MYBPC3: variants seen among roughly 807,000 people sequenced by gnomAD.
MYBPC3 encodes myosin-binding protein C, cardiac-type.
MYBPC3 carries 108 observed loss-of-function variants against 159.3 expected under a neutral mutation model. The observed-to-expected ratio is 0.68, with a 90% confidence interval of 0.58 to 0.80. The LOEUF (loss-of-function observed/expected upper bound fraction) is 0.80. Among genes scored for constraint, MYBPC3 ranks in the 30% least tolerant of loss-of-function variants. The pLI is 0.00. For missense variants in MYBPC3, 1,631 were observed against 1,762.1 expected (o/e 0.93, Z 1.33); for synonymous variants, 730 against 702.0 (o/e 1.04, Z -0.63).
In MYBPC3 at chr11:47,331,655, T is replaced by G; in HGVS notation, c.*88A>C. ...CACTTGTCACACATACATCCAACAGTAGGGAGGGGTTTCCCCAACTTCCCT... is the reference window on the plus strand; with the variant it reads ...CACTTGTCACACATACATCCAACAGGAGGGAGGGGTTTCCCCAACTTCCCT... On this transcript the variant is annotated 3_prime_UTR_variant, in exon 35 of 35. Coordinates refer to ENST00000545968, the MANE Select transcript of MYBPC3 (RefSeq NM_000256.3). 1.7e-6 allele frequency: 1 copy of G among 604,634 alleles called. No individual in the cohort carries two copies. The highest frequency in any genetic ancestry group is 2.9e-6 in the Non-Finnish European group (1 of 345,446). 37.5% of individuals were successfully genotyped at this position (604,634 alleles called of 1,614,324 possible).
In MYBPC3 at chr11:47,333,344, C is replaced by T; in HGVS notation, c.3191-11G>A. The T allele has an allele frequency of 6.4e-7, 1 of 1,557,222 alleles. No individual in the cohort carries two copies. The highest frequency in any genetic ancestry group is 2.4e-5 in the East Asian group (1 of 42,482). ...GAGGACTTGGCTTGTCTGCGGGAGACAGACCCAGTTGGGTCACCACGCCTC... is the reference window on the plus strand; with the variant it reads ...GAGGACTTGGCTTGTCTGCGGGAGATAGACCCAGTTGGGTCACCACGCCTC... On this transcript the variant is annotated splice_polypyrimidine_tract_variant and intron_variant, in intron 29 of 34. Transcript: ENST00000545968.
chr11:47,345,198 G>T (rs1455990390), intron 12 of MYBPC3, among the ~76,000 whole-genome samples: 1 of 152,218 alleles, frequency 6.6e-6, no homozygotes, highest in East Asian at 1.9e-4. Context: ...GGCACCTACA[G>T]TCCTTTGCTT....
intron 13 of MYBPC3, 73 bp downstream of exon 13, chr11:47,343,419 G>T (rs974630366): frequency 7.0e-5 from 106 of 1,514,896 alleles, no homozygotes; most frequent in Non-Finnish European, 8.5e-5. Context: ...ATACGCATGT[G>T]GAGAGGGGCA....
rs2095889432 is a variant in MYBPC3, at chr11:47,342,222, G to T, written c.1625-66C>A. On this transcript the variant is annotated intron_variant, in intron 17 of 34. Coordinates refer to ENST00000545968, the MANE Select transcript of MYBPC3 (RefSeq NM_000256.3). ...TGGGTGTGGCGTGAATCCCTGTGGA[G>T]GGCGTGTGGGCCCATGGGCGCTGGT... 4 of 1,563,738 alleles carry T rather than the reference G, an allele frequency of 2.6e-6. No individual in the cohort carries two copies. The Admixed American group carries it at 5.4e-5, about 21-fold the overall frequency.
chr11:47,333,859 T>C (rs1270397550), intron 28 of MYBPC3, 63 bp downstream of exon 28: 1 of 1,550,668 alleles, frequency 6.4e-7, no homozygotes, highest in African/African-American at 1.4e-5. Flanking sequence ...ATCAGTCCAC[T>C]GGATGGGAAC....
chr11:47,351,472 TC>T lies in MYBPC3; in HGVS notation c.58del (p.Glu20LysfsTer19). 1 of 1,594,714 alleles carries T rather than the reference TC, an allele frequency of 6.3e-7. No homozygotes were observed. The highest frequency in any genetic ancestry group is 8.6e-7 in the Non-Finnish European group (1 of 1,166,340). ...SAFSKKPRSV[E>X]VAAGSPAVFE... Reference sequence around the variant, plus strand: ...CACGGCAGGGCTGCCTGCGGCCACTTCCACTGACCGTGGCTTCTTGCTAAAA... The same window carrying T: ...CACGGCAGGGCTGCCTGCGGCCACTTCACTGACCGTGGCTTCTTGCTAAAA... On this transcript the variant is annotated frameshift_variant, in exon 2 of 35. Transcript: ENST00000545968. LOFTEE classifies it high-confidence loss of function. This position sits in a 1 kb window ranked among gnomAD's most constrained non-coding sequence, Gnocchi z 4.2.
In MYBPC3 at chr11:47,338,753, A is replaced by T; in HGVS notation, c.2149-74T>A. On this transcript the variant is annotated intron_variant, in intron 22 of 34. Transcript: ENST00000545968. This position sits in a 1 kb window ranked among gnomAD's most constrained non-coding sequence, Gnocchi z 4.7. ...CCTTGCAGCCTCCGCCAACAGCCAG[A>T]TGTCCCGGGGGTCCATGGGGGGAAC... is the stretch of plus-strand genomic sequence containing the variant. The T allele has an allele frequency of 6.7e-7, 1 of 1,483,788 alleles. No homozygotes were observed. Among genetic ancestry groups the T allele is most frequent in the Middle Eastern group, 2.0e-4 (1 of 4,976 alleles). 91.9% of individuals were successfully genotyped at this position (1,483,788 alleles called of 1,614,324 possible). A position where few individuals can be genotyped will look rare whatever the true frequency, so the allele number is the denominator to read the frequency against.
intron 20 of MYBPC3, 32 bp downstream of exon 20, chr11:47,340,970 GC>G: frequency 6.6e-7 from 1 of 1,525,316 alleles, no homozygotes. Flanking sequence ...GGGAAAGTGA[GC>G]AGAACCAAGA....
At chr11:47,342,367 AC>A (rs1331850947) in intron 17 of MYBPC3, among the ~76,000 whole-genome samples, 2 of 152,196 alleles carry the variant, frequency 1.3e-5, no homozygotes, top group Non-Finnish European at 2.9e-5. Flanking sequence ...GGTGATGCTC[AC>A]CAGGCCCGTA....
chr11:47,338,621 A>C lies in MYBPC3; in HGVS notation c.2207T>G (p.Phe736Cys). Reference protein sequence around the residue: ...RVETTKDRSIFTVEGAEKEDE... With the variant: ...RVETTKDRSICTVEGAEKEDE... ...TTCCTTCTCTGCCCCCTCGACCGTG[A>C]AGATGCTGCGGTCCTTGGTGGTCTC... The change falls in exon 23 of 35, where the codon TTC becomes TGC. Residue 736 changes from phenylalanine (F) to cysteine (C), a missense_variant. By Grantham distance (205) the Phe-to-Cys change is radical. Transcript: ENST00000545968. This position sits in a 1 kb window ranked among gnomAD's most constrained non-coding sequence, Gnocchi z 4.7. The C allele has an allele frequency of 6.2e-7, 1 of 1,613,918 alleles. No individual in the cohort carries two copies. The highest frequency in any genetic ancestry group is 8.5e-7 in the Non-Finnish European group (1 of 1,179,876).
chr11:47,349,448 A>C (rs1047038584), intron 5 of MYBPC3, among the ~76,000 whole-genome samples: 9 of 151,788 alleles, frequency 5.9e-5, no homozygotes, highest in African/African-American at 2.2e-4. Flanking sequence ...CATGCTTCAC[A>C]GTGTCCTCCA....
rs372003333 is a variant in MYBPC3, at chr11:47,333,695, C to G, written c.3052G>C (p.Glu1018Gln). ...TKEGQPLAGE[E>Q]VSIRNSPTDT... is the part of the protein sequence containing the mutation. The stretch of plus-strand genomic sequence containing the variant: ...GTGGGGCTGTTGCGGATGCTCACCT[C>G]CTCGCCTGCCAGGGGCTGCCCCTCT... The change falls in exon 29 of 35, where the codon GAG (glutamate) becomes CAG (glutamine). Residue 1018 changes from glutamate (E) to glutamine (Q), a missense_variant. Physicochemically the swap from Glu to Gln is conservative, Grantham distance 29. Coordinates refer to ENST00000545968, the MANE Select transcript of MYBPC3 (RefSeq NM_000256.3). The G allele has an allele frequency of 5.5e-5, 88 of 1,610,736 alleles. No individual in the cohort carries two copies. The highest frequency in any genetic ancestry group is 7.0e-5 in the Non-Finnish European group (82 of 1,179,210).
intron 7 of MYBPC3, 46 bp downstream of exon 7, chr11:47,347,811 A>C (rs1340516444): frequency 5.8e-6 from 9 of 1,551,594 alleles, no homozygotes; most frequent in Non-Finnish European, 7.8e-6. Flanking sequence ...GAAGGGCCTC[A>C]GACTCCAGCA....
At chr11:47,352,498 CCT>C in intron 1 of MYBPC3, 123 bp downstream of exon 1, 1 of 1,251,852 alleles carries the variant, frequency 8.0e-7, no homozygotes, top group East Asian at 2.7e-5. Flanking sequence ...ACTGGCTGCC[CCT>C]GTCCTGGGGC....
In MYBPC3 at chr11:47,346,379, C is replaced by T. The variant is rs397516083; in HGVS notation, c.927-9G>A. 1.2e-5 allele frequency: 19 copies of T among 1,568,024 alleles called. No individual in the cohort carries two copies. The highest frequency in any genetic ancestry group is 1.4e-5 in the Non-Finnish European group (16 of 1,155,192). On this transcript the variant is annotated splice_polypyrimidine_tract_variant and intron_variant, in intron 11 of 34. Coordinates refer to ENST00000545968, the MANE Select transcript of MYBPC3 (RefSeq NM_000256.3). This position sits in a 1 kb window ranked among gnomAD's most constrained non-coding sequence, Gnocchi z 5.3. ...CCTCCAGCTTCGAGTCCCTGTGTCC[C>T]GCAGTCTAGGCTGTGGCCGGGGGCA...
rs369685402 is a variant in MYBPC3 at position 47,335,061 on chromosome 11, C to T, written c.2886G>A (p.Val962=). ...ACTCACGCAGGATCTCCTGCACTGT[C>T]ACCGGCTCCGTGGTGGTAACAGGGG... ...PGAPVTTTEP[V]TVQEILQRPR... Residue 962 remains valine (V), a synonymous_variant, in exon 27 of 35, where the codon GTG becomes GTA. Coordinates refer to ENST00000545968, the MANE Select transcript of MYBPC3 (RefSeq NM_000256.3). 13 of 1,575,374 alleles carry T rather than the reference C, an allele frequency of 8.3e-6. No homozygotes were observed. In the African/African-American group the frequency reaches 1.6e-4, roughly 20 times the overall value.
At position 47,350,500 on chromosome 11, in the gene MYBPC3, A is replaced by G; in HGVS notation, c.406+2T>C. On this transcript the variant is annotated splice_donor_variant, in intron 3 of 34. Transcript: ENST00000545968. LOFTEE classifies it high-confidence loss of function. ...TGCCCCTCCCTGCCCAGCCCCTCTC[A>G]CCTTTGGGACTTGGGGCACTTTCTC... 1 of 1,553,532 alleles carries G rather than the reference A, an allele frequency of 6.4e-7. No homozygotes were observed. Among genetic ancestry groups the G allele is most frequent in the Non-Finnish European group, 8.7e-7 (1 of 1,152,180 alleles).
Position 47,332,774 on chromosome 11 carries a change from C to T in MYBPC3, c.3490+40G>A. The T allele has an allele frequency of 6.3e-7, 1 of 1,586,766 alleles. No individual in the cohort carries two copies. The highest frequency in any genetic ancestry group is 1.1e-5 in the South Asian group (1 of 87,702). On this transcript the variant is annotated intron_variant, in intron 31 of 34. Transcript: ENST00000545968. The surrounding 1 kb of genome is among the most constrained non-coding windows in gnomAD (Gnocchi z 4.2). ...CCCCTCTCCCTGTTCCCACAGCCTC[C>T]CTGCCCCAGCCCCTGGTTGGAAGAA...
intron 6 of MYBPC3, 82 bp downstream of exon 6, chr11:47,348,342 C>T (rs1248408229): frequency 1.2e-5 from 13 of 1,043,908 alleles, no homozygotes; most frequent in Non-Finnish European, 1.9e-5. Context: ...ACGAGGCATC[C>T]TCCTTAGTGT....
Sources: gnomAD v4.1 joint callset for allele counts (sites outside exome capture counted in the v4.1 genomes callset) on GRCh38, gnomAD v4.1.1 for gene constraint, Gnocchi (gnomAD v3.1) non-coding constraint, MANE v1.5 for transcripts, NCBI Gene and HGNC (gene_info 2026-07-23, HGNC 2026-07-21) for gene names.